Variants in ANO3 observed in about 807,000 individuals in gnomAD.
ANO3 encodes the protein anoctamin 3.
In ANO3, 99 loss-of-function variants were observed where a neutral mutation model predicts 144.8. The observed-to-expected ratio is 0.68, with a 90% CI of 0.58 to 0.81. The LOEUF is 0.81. Ranked by LOEUF, ANO3 falls within the 30% of genes least tolerant of loss-of-function variation. ANO3 has a pLI of 0.00. For missense variants in ANO3, 905 were observed against 1,202.2 expected, an observed-to-expected ratio of 0.75 and a Z score of 3.66; for synonymous variants, 414 against 392.6, an observed-to-expected ratio of 1.05 and a Z score of -0.64.
At chr11:26,446,800 G>A (rs531813610) in intron 3 of ANO3, among the ~76,000 whole-genome samples, 1 of 152,036 alleles carries the variant, frequency 6.6e-6, no homozygotes, top group Non-Finnish European at 1.5e-5. Flanking sequence ...ACATCATGGG[G>A]GTTCAACAAA....
intron 1 of ANO3, among the ~76,000 whole-genome samples, chr11:26,334,182 TC>T (rs1276772636): frequency 6.6e-6 from 1 of 152,226 alleles, no homozygotes; most frequent in Admixed American, 6.5e-5. Flanking sequence ...TTTCAAGTCT[TC>T]CTTTACTCTT....
intron 14 of ANO3, among the ~76,000 whole-genome samples, chr11:26,580,741 C>G (rs1332465902): frequency 1.3e-5 from 2 of 152,142 alleles, no homozygotes; most frequent in Non-Finnish European, 2.9e-5. Flanking sequence ...GACAATTAAG[C>G]TATGAGCATG....
chr11:26,354,167 A>C (rs1220051030), intron 1 of ANO3, among the ~76,000 whole-genome samples: 1 of 152,224 alleles, frequency 6.6e-6, no homozygotes, highest in Non-Finnish European at 1.5e-5. Context: ...CTAAGACAAC[A>C]GTTGCTGATT....
chr11:26,588,062 G>T (rs1393635659), intron 14 of ANO3, among the ~76,000 whole-genome samples: 4 of 151,724 alleles, frequency 2.6e-5, no homozygotes, highest in African/African-American at 9.7e-5. Flanking sequence ...TAATTTTTAG[G>T]TATAATTTGC....
chr11:26,407,534 C>T lies in ANO3; in HGVS notation c.47-34384C>T, dbSNP rs184504450. Among the ~76,000 whole-genome samples the T allele has an allele frequency of 3.9e-3, 586 of 151,864 alleles. 5 individuals are homozygous for T. The highest frequency in any genetic ancestry group is 9.9e-3 in the African/African-American group (412 of 41,468). ...GAATCTGTCTTCTTTTTTCTAGTCC[C>T]ATAGCCACAGCCACAGTTTCAGGCC... On this transcript the variant is annotated intron_variant, in intron 1 of 26. Coordinates refer to ENST00000256737, the MANE Select transcript of ANO3 (RefSeq NM_031418.4).
chr11:26,440,766 G>A (rs545315279), intron 1 of ANO3, among the ~76,000 whole-genome samples: 1 of 152,248 alleles, frequency 6.6e-6, no homozygotes, highest in African/African-American at 2.4e-5. Flanking sequence ...ATCTAAGGAG[G>A]ATATTAAGTG....
intron 3 of ANO3, among the ~76,000 whole-genome samples, chr11:26,452,374 G>C (rs1392232508): frequency 6.6e-6 from 1 of 152,162 alleles, no homozygotes. Flanking sequence ...CCAATACAGA[G>C]AAGTGCTTAA....
rs59906437 is a variant in ANO3, at chr11:26,438,778, C to CAA, written c.47-3125_47-3124dup. Among the ~76,000 whole-genome samples, 177 of 108,856 alleles carry CAA rather than the reference C, an allele frequency of 1.6e-3. 1 individual carries two copies. In the East Asian group the frequency reaches 0.017, roughly 11 times the overall value. The allele number at this position is 108,856 out of a possible 152,430, so 71.4% of individuals were successfully genotyped here. On this transcript the variant is annotated intron_variant, in intron 1 of 26. Coordinates refer to ENST00000256737, the MANE Select transcript of ANO3 (RefSeq NM_031418.4). The stretch of plus-strand genomic sequence containing the variant: ...GAGGAACAAGAGCAAAACTCTGTCT[C>CAA]AAAAAAAAAAAAAAAATCAATCATA...
intron 17 of ANO3, among the ~76,000 whole-genome samples, chr11:26,602,427 T>G (rs1172916454): frequency 6.6e-6 from 1 of 151,946 alleles, no homozygotes; most frequent in Non-Finnish European, 1.5e-5. Context: ...ATAAAGGAGA[T>G]TAAAATATTA....
intron 3 of ANO3, among the ~76,000 whole-genome samples, chr11:26,447,247 T>C (rs1342315270): frequency 3.3e-5 from 5 of 150,286 alleles, no homozygotes; most frequent in Non-Finnish European, 7.4e-5. Context: ...GGGGTACTTT[T>C]ATGGCATAAT....
intron 3 of ANO3, among the ~76,000 whole-genome samples, chr11:26,449,489 A>T (rs112326224): frequency 0.76 from 99,843 of 131,078 alleles, 35,023 homozygotes; most frequent in East Asian, 0.89. Context: ...TCTCTCTCTC[A>T]CACACACACA....
chr11:26,469,460 G>A (rs1859705753), intron 4 of ANO3, among the ~76,000 whole-genome samples: 1 of 151,904 alleles, frequency 6.6e-6, no homozygotes, highest in Non-Finnish European at 1.5e-5. Flanking sequence ...TTTGGAAAGA[G>A]TTAAAATATT....
chr11:26,321,378 A>T (rs1181174197), intron 1 of ANO3, among the ~76,000 whole-genome samples: 1 of 152,006 alleles, frequency 6.6e-6, no homozygotes, highest in Non-Finnish European at 1.5e-5. Flanking sequence ...TTTTCTTTTC[A>T]GTATCTTTTT....
At chr11:26,639,712 A>T (rs1232949187) in intron 21 of ANO3, among the ~76,000 whole-genome samples, 3 of 152,240 alleles carry the variant, frequency 2.0e-5, no homozygotes, top group Non-Finnish European at 2.9e-5. Context: ...TAAGAAAAAA[A>T]TGTTAGAACA....
chr11:26,537,645 G>C (rs1849545340), intron 10 of ANO3, among the ~76,000 whole-genome samples, 184 bp downstream of exon 10: 1 of 152,254 alleles, frequency 6.6e-6, no homozygotes. Flanking sequence ...CTCAAAGCCT[G>C]TCTTCAATTT....
At chr11:26,413,224 G>C (rs1324685964) in intron 1 of ANO3, among the ~76,000 whole-genome samples, 1 of 151,904 alleles carries the variant, frequency 6.6e-6, no homozygotes, top group Non-Finnish European at 1.5e-5. Flanking sequence ...AACGCTGCCT[G>C]GTTCAATCAC....
At chr11:26,555,286 C>G (rs1246660065) in intron 13 of ANO3, among the ~76,000 whole-genome samples, 3 of 152,168 alleles carry the variant, frequency 2.0e-5, no homozygotes, top group African/African-American at 4.8e-5. Flanking sequence ...ACATATGTCT[C>G]TCTCCTAGCC....
chr11:26,425,868 T>A (rs1036618141), intron 1 of ANO3, among the ~76,000 whole-genome samples: 3 of 152,076 alleles, frequency 2.0e-5, no homozygotes, highest in Non-Finnish European at 4.4e-5. Flanking sequence ...AAATGGATGG[T>A]GTTTTAGGAG....
chr11:26,277,974 A>G (rs1299920456), intron 1 of ANO3, among the ~76,000 whole-genome samples: 1 of 152,060 alleles, frequency 6.6e-6, no homozygotes, highest in South Asian at 2.1e-4. Context: ...GCTTAATTCA[A>G]TATATGGTTT....
Sources: allele counts gnomAD v4.1 joint callset (sites outside exome capture counted in the v4.1 genomes callset), GRCh38; gene constraint gnomAD v4.1.1; transcripts MANE v1.5; gene names NCBI Gene and HGNC (gene_info 2026-07-23, HGNC 2026-07-21).